The following LRMDA variants were observed in gnomAD, a reference collection of about 807,000 sequenced individuals.
The protein encoded by LRMDA is leucine-rich melanocyte differentiation-associated protein.
LRMDA carries 18 observed loss-of-function variants against 29.8 expected under a neutral mutation model. That is an observed-to-expected ratio of 0.60 (90% CI 0.42 to 0.90). LRMDA has a LOEUF of 0.90. Ranked by LOEUF, LRMDA falls within the 40% of genes least tolerant of loss-of-function variation. The pLI, the probability that LRMDA is intolerant of heterozygous loss-of-function variation, is 0.00. For synonymous variants in LRMDA, 125 were observed against 109.4 expected, an observed-to-expected ratio of 1.14 and a Z score of -0.89; for missense variants, 273 against 273.9, an observed-to-expected ratio of 1.00 and a Z score of 0.02.
intron 2 of LRMDA, among the ~76,000 whole-genome samples, chr10:75,949,288 A>G (rs1259196875): frequency 6.6e-6 from 1 of 152,224 alleles, no homozygotes; most frequent in East Asian, 1.9e-4. Flanking sequence ...GAGAATACAT[A>G]AATCTGGGCC....
intron 6 of LRMDA, among the ~76,000 whole-genome samples, chr10:76,478,907 G>C (rs1842707355): frequency 6.7e-6 from 1 of 149,234 alleles, no homozygotes; most frequent in African/African-American, 2.5e-5. Flanking sequence ...TGGGGTGTGG[G>C]GGAGGGGGGA....
At chr10:75,886,456 GT>G (rs1173901588) in intron 2 of LRMDA, among the ~76,000 whole-genome samples, 1 of 152,086 alleles carries the variant, frequency 6.6e-6, no homozygotes, top group African/African-American at 2.4e-5. Context: ...GAAATCCTTG[GT>G]TTTGTAGCCT....
At chr10:75,475,967 C>A (rs1844787474) in intron 2 of LRMDA, among the ~76,000 whole-genome samples, 1 of 152,174 alleles carries the variant, frequency 6.6e-6, no homozygotes, top group Non-Finnish European at 1.5e-5. Context: ...ATTCTAAGAG[C>A]CGCCCTCCCT....
intron 2 of LRMDA, among the ~76,000 whole-genome samples, chr10:75,733,753 G>A (rs1589176904): frequency 6.6e-6 from 1 of 152,320 alleles, no homozygotes; most frequent in African/African-American, 2.4e-5. Context: ...TCCCTCATGA[G>A]ACAGACACAT....
chr10:76,060,602 T>C (rs1848688799), intron 5 of LRMDA, among the ~76,000 whole-genome samples: 1 of 152,192 alleles, frequency 6.6e-6, no homozygotes, highest in Admixed American at 6.5e-5. Context: ...TTCTCACCCC[T>C]GGAGCAGTGA....
intron 5 of LRMDA, among the ~76,000 whole-genome samples, chr10:76,243,257 T>G (rs192960536): frequency 1.8e-4 from 27 of 152,332 alleles, no homozygotes; most frequent in African/African-American, 4.6e-4. Flanking sequence ...AGGAGTCAGA[T>G]AGTGAAGAGA....
In LRMDA at chr10:76,492,266, C is replaced by A. The variant is rs1404513828; in HGVS notation, c.602-64943C>A. ...TCTCAATGCTTGTGGGTGTTAGTCA[C>A]TGTCTGGGCATTCAAGTAGTAGATA... is the stretch of plus-strand genomic sequence containing the variant. On this transcript the variant is annotated intron_variant, in intron 6 of 6. Transcript: ENST00000611255. Among the ~76,000 whole-genome samples, 3 of 152,100 alleles carry A rather than the reference C, an allele frequency of 2.0e-5. No homozygotes were observed. The East Asian group carries it at 5.8e-4, about 30-fold the overall frequency.
chr10:75,483,914 G>T (rs528730289), intron 2 of LRMDA, among the ~76,000 whole-genome samples: 15 of 127,218 alleles, frequency 1.2e-4, no homozygotes, highest in East Asian at 1.0e-3. Flanking sequence ...TTAACTTCAG[G>T]GCTTTTTTGG....
intron 5 of LRMDA, among the ~76,000 whole-genome samples, chr10:76,241,253 C>G (rs1852273325): frequency 6.6e-6 from 1 of 152,016 alleles, no homozygotes; most frequent in Non-Finnish European, 1.5e-5. Context: ...CCCCCAAATC[C>G]TATTGAAATA....
At chr10:76,456,353 A>G (rs1183943548) in intron 6 of LRMDA, among the ~76,000 whole-genome samples, 1 of 152,160 alleles carries the variant, frequency 6.6e-6, no homozygotes, top group African/African-American at 2.4e-5. Context: ...ATGTCTGCCA[A>G]GTTCTCAAAG....
chr10:75,914,820 T>C (rs747753221), intron 2 of LRMDA, among the ~76,000 whole-genome samples: 1 of 152,250 alleles, frequency 6.6e-6, no homozygotes, highest in Non-Finnish European at 1.5e-5. Flanking sequence ...CATCCAGATA[T>C]ATTAGTAGAC....
rs147912775 is a variant in LRMDA at position 76,153,417 on chromosome 10, C to T, written c.516+94634C>T. 7.9e-5 allele frequency among the ~76,000 whole-genome samples: 12 copies of T among 152,248 alleles called. No homozygotes were observed. The East Asian group carries it at 2.1e-3, about 27-fold the overall frequency. On this transcript the variant is annotated intron_variant, in intron 5 of 6. Transcript: ENST00000611255. ...TAATCCAAGGTCATGAAGATACACA[C>T]CTGTGTGCTCCTCTAAGAATTTTGT...
chr10:76,502,543 T>C (rs1371687306), intron 6 of LRMDA, among the ~76,000 whole-genome samples: 1 of 151,996 alleles, frequency 6.6e-6, no homozygotes, highest in African/African-American at 2.4e-5. Flanking sequence ...TCAACAGTGT[T>C]TTGGAGTTCT....
intron 5 of LRMDA, among the ~76,000 whole-genome samples, chr10:76,192,544 A>G (rs1347887243): frequency 6.6e-6 from 1 of 152,238 alleles, no homozygotes; most frequent in African/African-American, 2.4e-5. Context: ...TATTGAATGC[A>G]TGGCTCCCTG....
At chr10:76,330,571 G>A (rs1193473712) in intron 6 of LRMDA, among the ~76,000 whole-genome samples, 4 of 152,130 alleles carry the variant, frequency 2.6e-5, no homozygotes, top group African/African-American at 9.7e-5. Flanking sequence ...CCCACTTAGG[G>A]AAGAGGAATT....
intron 2 of LRMDA, among the ~76,000 whole-genome samples, chr10:75,658,978 A>C (rs1427527460): frequency 6.6e-6 from 1 of 152,158 alleles, no homozygotes; most frequent in Non-Finnish European, 1.5e-5. Flanking sequence ...TTGGGCTCCA[A>C]ATTCTGTAAG....
chr10:76,315,143 C>T (rs1341442068), intron 5 of LRMDA, among the ~76,000 whole-genome samples: 1 of 152,236 alleles, frequency 6.6e-6, no homozygotes, highest in Non-Finnish European at 1.5e-5. Context: ...ACTATAACCT[C>T]TCTCTAAATC....
chr10:75,697,115 A>G (rs1331895150), intron 2 of LRMDA, among the ~76,000 whole-genome samples: 1 of 152,194 alleles, frequency 6.6e-6, no homozygotes, highest in African/African-American at 2.4e-5. Context: ...GATGTTCAGC[A>G]GAGTCACCTC....
At chr10:76,023,007 C>T (rs983346627) in intron 2 of LRMDA, among the ~76,000 whole-genome samples, 2 of 152,012 alleles carry the variant, frequency 1.3e-5, no homozygotes, top group East Asian at 1.9e-4. Flanking sequence ...TGTCTACTCT[C>T]GGTATATGTA....
Sources: allele counts gnomAD v4.1 joint callset (sites outside exome capture counted in the v4.1 genomes callset), GRCh38; gene constraint gnomAD v4.1.1; transcripts MANE v1.5; gene names NCBI Gene and HGNC (gene_info 2026-07-23, HGNC 2026-07-21).